LRP2: variants seen among roughly 807,000 people sequenced by gnomAD.
LRP2 encodes LDL receptor related protein 2, also known as low-density lipoprotein receptor-related protein 2.
A neutral mutation model predicts 531.0 loss-of-function variants in LRP2; 172 were observed. That is an observed-to-expected ratio of 0.32 (90% CI 0.29 to 0.37). The LOEUF (loss-of-function observed/expected upper bound fraction) is 0.37, where lower values mean the gene tolerates loss of function less well. Ranked by LOEUF, LRP2 falls within the 10% of genes least tolerant of loss-of-function variation. The pLI is 1.00. For synonymous variants in LRP2, 1,992 were observed against 2,027.6 expected, an observed-to-expected ratio of 0.98 and a Z score of 0.47; for missense variants, 5,167 against 5,868.3, an observed-to-expected ratio of 0.88 and a Z score of 3.90.
At chr2:169,180,168 C>T (rs920669797) in intron 52 of LRP2, among the ~76,000 whole-genome samples, 1 of 152,122 alleles carries the variant, frequency 6.6e-6, no homozygotes, top group Admixed American at 6.5e-5. Flanking sequence ...CAAAGAACAA[C>T]AAATGTCAGT....
chr2:169,156,999 A>C (rs1686355019), intron 64 of LRP2, among the ~76,000 whole-genome samples: 1 of 152,214 alleles, frequency 6.6e-6, no homozygotes, highest in African/African-American at 2.4e-5. Flanking sequence ...AAGTAGGTGT[A>C]TAATAAATAC....
intron 59 of LRP2, 51 bp from the exon 60 acceptor site, chr2:169,169,869 A>G: frequency 8.0e-7 from 1 of 1,246,136 alleles, no homozygotes; most frequent in African/African-American, 1.5e-5. Context: ...TTTCAGACAG[A>G]TATTAGGTAC....
intron 16 of LRP2, among the ~76,000 whole-genome samples, chr2:169,269,946 G>T (rs1237820905): frequency 2.0e-5 from 3 of 152,038 alleles, no homozygotes; most frequent in African/African-American, 7.3e-5. Context: ...GTGGGTGAAG[G>T]ATATGAACAG....
At chr2:169,231,973 GTTTTC>G in intron 30 of LRP2, 131 bp from the exon 31 acceptor site, 1 of 1,069,504 alleles carries the variant, frequency 9.4e-7, no homozygotes, top group Non-Finnish European at 1.4e-6. Context: ...TACCTCTGTT[GTTTTC>G]TTTTGTTTTG....
chr2:169,169,592 C>T, intron 60 of LRP2, 110 bp downstream of exon 60: 1 of 838,938 alleles, frequency 1.2e-6, no homozygotes, highest in Non-Finnish European at 2.1e-6. Context: ...GCATGCTGAA[C>T]AGACAATACT....
intron 24 of LRP2, among the ~76,000 whole-genome samples, chr2:169,242,412 T>G (rs749273726): frequency 2.6e-5 from 4 of 152,228 alleles, no homozygotes; most frequent in Non-Finnish European, 4.4e-5. Flanking sequence ...CCATAGAATT[T>G]TATCTGTGCC....
At chr2:169,180,245 A>G (rs1687378932) in intron 52 of LRP2, among the ~76,000 whole-genome samples, 2 of 152,226 alleles carry the variant, frequency 1.3e-5, no homozygotes, top group South Asian at 4.1e-4. Flanking sequence ...GATTATATGG[A>G]AAGCTAACTC....
Position 169,140,388 on chromosome 2 carries a change from C to T in LRP2, c.13199+67G>A, listed in dbSNP as rs1236319176. ...GTTCCTGTATTTGTTTTCCTGGCTACTTTAAGGTCTCAAATTTCCCCAGAA... is the reference window on the plus strand; with the variant it reads ...GTTCCTGTATTTGTTTTCCTGGCTATTTTAAGGTCTCAAATTTCCCCAGAA... On this transcript the variant is annotated intron_variant, in intron 72 of 78. Transcript: ENST00000649046. 4 of 1,266,878 alleles carry T rather than the reference C, an allele frequency of 3.2e-6. No individual in the cohort carries two copies. In the African/African-American group the frequency reaches 5.8e-5, roughly 19 times the overall value. 78.5% of individuals were successfully genotyped at this position (1,266,878 alleles called of 1,614,324 possible). A position where few individuals can be genotyped will look rare whatever the true frequency, so the allele number is the denominator to read the frequency against.
In LRP2 at chr2:169,177,710, C is replaced by T. The variant is rs1024698507; in HGVS notation, c.10393+93G>A. On this transcript the variant is annotated intron_variant, in intron 53 of 78. Transcript: ENST00000649046. ...AGAAAACACTAACAAGTGCAACAAACTTTTTGTAAATCACGAAGTTCATGC... is the reference window on the plus strand; with the variant it reads ...AGAAAACACTAACAAGTGCAACAAATTTTTTGTAAATCACGAAGTTCATGC... 3 of 1,123,104 alleles carry T rather than the reference C, an allele frequency of 2.7e-6. No homozygotes were observed. The African/African-American group carries it at 4.6e-5, about 17-fold the overall frequency. 69.6% of individuals were successfully genotyped at this position (1,123,104 alleles called of 1,614,324 possible). A position where few individuals can be genotyped will look rare whatever the true frequency, so the allele number is the denominator to read the frequency against.
intron 35 of LRP2, among the ~76,000 whole-genome samples, chr2:169,214,076 A>C (rs1688693374): frequency 6.6e-6 from 1 of 152,162 alleles, no homozygotes; most frequent in South Asian, 2.1e-4. Flanking sequence ...CCTTTCATTG[A>C]TAATGAAGAC....
intron 63 of LRP2, among the ~76,000 whole-genome samples, chr2:169,160,736 A>G (rs989995655): frequency 6.7e-6 from 1 of 149,994 alleles, no homozygotes; most frequent in Non-Finnish European, 1.5e-5. Context: ...AAAGTACTGT[A>G]GTCTATTTTA....
chr2:169,341,997 G>A (rs1420252537), intron 1 of LRP2, among the ~76,000 whole-genome samples: 3 of 151,994 alleles, frequency 2.0e-5, no homozygotes, highest in African/African-American at 4.8e-5. Context: ...GTATTGCAAC[G>A]GTTTAGCATT....
intron 9 of LRP2, among the ~76,000 whole-genome samples, chr2:169,285,706 T>C (rs926233102): frequency 6.6e-6 from 1 of 152,142 alleles, no homozygotes. Flanking sequence ...CACCACGATG[T>C]CATTCTGTCA....
chr2:169,357,616 C>T (rs1203704809), intron 1 of LRP2, among the ~76,000 whole-genome samples: 3 of 152,162 alleles, frequency 2.0e-5, no homozygotes, highest in African/African-American at 4.8e-5. Context: ...AGGCATGAGC[C>T]CCCACGCCCA....
rs1323621587 is a variant in LRP2, at chr2:169,127,567, TAAAGA to T, written c.*1091_*1095del. Reference sequence around the variant, plus strand: ...AAAAAAAAAAAAAACCAATAAGAATTAAAGAAAAGATCTGGACTGTACAGTACATT... The same window carrying T: ...AAAAAAAAAAAAAACCAATAAGAATTAAAGATCTGGACTGTACAGTACATT... On this transcript the variant is annotated 3_prime_UTR_variant, in exon 79 of 79. Transcript: ENST00000649046. 3 of 127,436 alleles carry T rather than the reference TAAAGA, an allele frequency of 2.4e-5. No homozygotes were observed. The highest frequency in any genetic ancestry group is 5.1e-5 in the Non-Finnish European group (3 of 58,882). 7.9% of individuals were successfully genotyped at this position (127,436 alleles called of 1,614,324 possible). A position where few individuals can be genotyped will look rare whatever the true frequency, so the allele number is the denominator to read the frequency against.
intron 3 of LRP2, among the ~76,000 whole-genome samples, chr2:169,309,418 A>T (rs1485677682): frequency 6.6e-6 from 1 of 152,154 alleles, no homozygotes; most frequent in African/African-American, 2.4e-5. Flanking sequence ...TAAGGAAGGG[A>T]TCCAGTTTCA....
At chr2:169,317,398 C>T (rs1684791178) in intron 3 of LRP2, among the ~76,000 whole-genome samples, 1 of 152,340 alleles carries the variant, frequency 6.6e-6, no homozygotes, top group African/African-American at 2.4e-5. Context: ...AGAACCTCCT[C>T]TCTGCCTGAG....
chr2:169,274,928 A>G (rs1395357066), intron 14 of LRP2, 108 bp downstream of exon 14: 1 of 1,077,054 alleles, frequency 9.3e-7, no homozygotes, highest in African/African-American at 1.6e-5. Context: ...ATACTTGAGA[A>G]TGCCACCCAA....
At position 169,191,043 on chromosome 2, in the gene LRP2, C is replaced by T. The variant is rs1265084998; in HGVS notation, c.9032+789G>A. The stretch of plus-strand genomic sequence containing the variant: ...TCCCCCAAACCAGCAGGCTGTGAGC[C>T]GAATCTGTTTGATCCACACAGTGTT... On this transcript the variant is annotated intron_variant, in intron 48 of 78. Transcript: ENST00000649046. Among the ~76,000 whole-genome samples the T allele has an allele frequency of 2.6e-5, 4 of 152,028 alleles. No individual in the cohort carries two copies. In the East Asian group the frequency reaches 5.8e-4, roughly 22 times the overall value.
Sources: gnomAD v4.1 joint callset for allele counts (sites outside exome capture counted in the v4.1 genomes callset) on GRCh38, gnomAD v4.1.1 for gene constraint, MANE v1.5 for transcripts, NCBI Gene and HGNC (gene_info 2026-07-23, HGNC 2026-07-21) for gene names.